Variants in MIA2 observed in about 807,000 individuals in gnomAD.
MIA2 encodes melanoma inhibitory activity protein 2.
A neutral mutation model predicts 167.8 loss-of-function variants in MIA2; 127 were observed. That is an observed-to-expected ratio of 0.76 (90% CI 0.66 to 0.88). The LOEUF is 0.88. Ranked by LOEUF, MIA2 falls within the 40% of genes least tolerant of loss-of-function variation. MIA2 has a pLI of 0.00. For missense variants in MIA2, 1,690 were observed against 1,624.7 expected, an observed-to-expected ratio of 1.04 and a Z score of -0.69; for synonymous variants, 552 against 541.9, an observed-to-expected ratio of 1.02 and a Z score of -0.26.
intron 1 of MIA2, among the ~76,000 whole-genome samples, chr14:39,236,609 A>G (rs1446099079): frequency 6.6e-6 from 1 of 152,232 alleles, no homozygotes; most frequent in Middle Eastern, 3.2e-3. Context: ...AGACTAGAGA[A>G]TGATAATGAT....
chr14:39,248,141 G>A lies in MIA2; in HGVS notation c.1567G>A (p.Asp523Asn), dbSNP rs1487027736. 7.2e-7 allele frequency: 1 copy of A among 1,389,996 alleles called. No individual in the cohort carries two copies. The highest frequency in any genetic ancestry group is 2.5e-5 in the East Asian group (1 of 40,374). The allele number at this position is 1,389,996 out of a possible 1,614,324, so 86.1% of individuals were successfully genotyped here. A position where few individuals can be genotyped will look rare whatever the true frequency, so the allele number is the denominator to read the frequency against. ...ATTCAAAAGTTCATACAGTCTGTCA[G>A]GTTGGTATGAAAATATTTACATTAG... ...MIFKSSYSLS[D>N]MVSNIELPTR... The change falls in exon 4 of 29, where the codon GAT becomes AAT. Residue 523 changes from aspartate to asparagine, a missense_variant and splice_region_variant. Physicochemically the swap from Asp to Asn is conservative, Grantham distance 23. Coordinates refer to ENST00000640607, the MANE Select transcript of MIA2 (RefSeq NM_001329214.4).
chr14:39,316,279 C>A (rs2065420893), intron 21 of MIA2, among the ~76,000 whole-genome samples: 1 of 152,206 alleles, frequency 6.6e-6, no homozygotes, highest in African/African-American at 2.4e-5. Flanking sequence ...AAGAAAGACA[C>A]TGTAACATAT....
chr14:39,296,261 C>G (rs2061407047), intron 13 of MIA2, among the ~76,000 whole-genome samples: 1 of 151,996 alleles, frequency 6.6e-6, no homozygotes, highest in Non-Finnish European at 1.5e-5. Flanking sequence ...AACTTACATG[C>G]CTGGAAATGT....
At chr14:39,327,927 T>C (rs2067915178) in intron 25 of MIA2, among the ~76,000 whole-genome samples, 8 of 152,164 alleles carry the variant, frequency 5.3e-5, no homozygotes, top group Admixed American at 5.2e-4. Flanking sequence ...CCGCAATAAA[T>C]ATACATGTGC....
chr14:39,303,242 G>C (rs528524590), intron 15 of MIA2, among the ~76,000 whole-genome samples: 1 of 152,204 alleles, frequency 6.6e-6, no homozygotes, highest in East Asian at 1.9e-4. Context: ...TTATAACTCT[G>C]TTCTTGGAGT....
At chr14:39,277,876 C>T (rs1175363256) in intron 7 of MIA2, among the ~76,000 whole-genome samples, 1 of 150,386 alleles carries the variant, frequency 6.6e-6, no homozygotes, top group East Asian at 2.0e-4. Context: ...AGCCTACAGC[C>T]TCAAACTCCT....
At chr14:39,383,907 G>A (rs550125528) in intron 23 of MIA2, among the ~76,000 whole-genome samples, 1 of 152,314 alleles carries the variant, frequency 6.6e-6, no homozygotes, top group East Asian at 1.9e-4. Flanking sequence ...GGTTCATGAG[G>A]TTTAGATAAA....
chr14:39,370,572 G>T (rs561783884), intron 23 of MIA2: 3 of 372,768 alleles, frequency 8.0e-6, no homozygotes, highest in Admixed American at 2.8e-5. Context: ...TGCTGAAGCC[G>T]CATTGGGGCT....
At position 39,247,861 on chromosome 14, in the gene MIA2, G is replaced by A. The variant is rs1313915109; in HGVS notation, c.1287G>A (p.Thr429=). Residue 429 remains threonine, a synonymous_variant, in exon 4 of 29, where the codon ACG becomes ACA. Transcript: ENST00000640607. ...LDPEKEQEIE[T]IKIIETEDQI... ...CTGAAAAAGAACAAGAAATAGAAAC[G>A]ATAAAAATTATAGAAACAGAAGATC... 8 of 1,587,074 alleles carry A rather than the reference G, an allele frequency of 5.0e-6. No individual in the cohort carries two copies. The highest frequency in any genetic ancestry group is 3.9e-5 in the Admixed American group (2 of 51,684).
intron 23 of MIA2, among the ~76,000 whole-genome samples, chr14:39,367,329 A>C (rs1331747877): frequency 6.6e-6 from 1 of 152,166 alleles, no homozygotes; most frequent in African/African-American, 2.4e-5. Flanking sequence ...GTGGAGATGC[A>C]GGGGCTGTTG....
At chr14:39,348,311 AGTTT>A (rs1171125932) in intron 27 of MIA2, among the ~76,000 whole-genome samples, 2 of 152,204 alleles carry the variant, frequency 1.3e-5, no homozygotes, top group Non-Finnish European at 2.9e-5. Flanking sequence ...AGTTTGAGTT[AGTTT>A]AAGATTTTAG....
At chr14:39,262,112 T>C (rs1214060138) in intron 6 of MIA2, among the ~76,000 whole-genome samples, 1 of 152,220 alleles carries the variant, frequency 6.6e-6, no homozygotes, top group East Asian at 1.9e-4. Flanking sequence ...TCTAGGGTTT[T>C]TACGGTTTTA....
chr14:39,279,219 T>C lies in MIA2; in HGVS notation c.2020-118T>C, dbSNP rs1160643791. On this transcript the variant is annotated intron_variant, in intron 7 of 28. Transcript: ENST00000640607. The stretch of plus-strand genomic sequence containing the variant: ...TTGGAAACAGAATACTTTTGGCTTG[T>C]ATTTATACAAAGGCAATAAGAAACC... 4 of 812,508 alleles carry C rather than the reference T, an allele frequency of 4.9e-6. No homozygotes were observed. In the African/African-American group the frequency reaches 5.2e-5, roughly 11 times the overall value. The allele number at this position is 812,508 out of a possible 1,614,324, so 50.3% of individuals were successfully genotyped here.
chr14:39,260,017 G>A (rs909038498), intron 6 of MIA2, among the ~76,000 whole-genome samples: 1 of 152,166 alleles, frequency 6.6e-6, no homozygotes, highest in Non-Finnish European at 1.5e-5. Flanking sequence ...CTTCATCCAT[G>A]TCCCTGCAAA....
chr14:39,324,856 C>T (rs138018714), intron 24 of MIA2, among the ~76,000 whole-genome samples: 2,209 of 152,288 alleles, frequency 0.015, 46 homozygotes, highest in African/African-American at 0.05. Context: ...ATCCGCCCAC[C>T]TCGGCCTCCC....
At chr14:39,382,953 GTTTTTTTTTTTT>G (rs10689511) in intron 23 of MIA2, among the ~76,000 whole-genome samples, 2 of 75,054 alleles carry the variant, frequency 2.7e-5, no homozygotes, top group African/African-American at 5.3e-5. Flanking sequence ...TATGGCCACA[GTTTTTTTTTTTT>G]TTTTTTTTTT....
chr14:39,261,342 G>A (rs1256496473), intron 6 of MIA2, among the ~76,000 whole-genome samples: 1 of 152,150 alleles, frequency 6.6e-6, no homozygotes, highest in East Asian at 1.9e-4. Flanking sequence ...TGGCTGCATA[G>A]TATTCCATGG....
At chr14:39,345,854 C>A in intron 25 of MIA2, 50 bp from the exon 26 acceptor site, 1 of 1,515,858 alleles carries the variant, frequency 6.6e-7, no homozygotes, top group Non-Finnish European at 9.0e-7. Flanking sequence ...CTTAAGTAAA[C>A]TTGATTTATA....
intron 23 of MIA2, among the ~76,000 whole-genome samples, chr14:39,380,161 A>G (rs1595965306): frequency 6.6e-6 from 1 of 152,234 alleles, no homozygotes; most frequent in Admixed American, 6.5e-5. Context: ...AAGATAAAAC[A>G]TTTTTAGCAT....
Sources: allele counts gnomAD v4.1 joint callset (sites outside exome capture counted in the v4.1 genomes callset), GRCh38; gene constraint gnomAD v4.1.1; transcripts MANE v1.5; gene names NCBI Gene and HGNC (gene_info 2026-07-23, HGNC 2026-07-21).